Variants in ENO4 observed in about 807,000 individuals in gnomAD.
ENO4 encodes the protein enolase 4.
Under a neutral mutation model 63.2 loss-of-function variants are expected in ENO4, and 53 were observed. That is an observed-to-expected ratio of 0.84 (90% CI 0.67 to 1.05). The LOEUF is 1.05. Ranked by LOEUF, ENO4 falls within the 50% of genes least tolerant of loss-of-function variation. The pLI is 0.00. For synonymous variants in ENO4, 266 were observed against 283.8 expected (o/e 0.94, Z 0.63); for missense variants, 719 against 772.0 (o/e 0.93, Z 0.81).
chr10:116,868,765 CCTT>C, intron 8 of ENO4, 59 bp downstream of exon 8: 1 of 1,429,220 alleles, frequency 7.0e-7, no homozygotes, highest in Non-Finnish European at 9.6e-7. Context: ...ATTTCCTGCC[CCTT>C]TTTATCTTCC....
chr10:116,911,754 C>G, exon 11 of ENO4: 1 of 1,584,712 alleles, frequency 6.3e-7, no homozygotes, highest in Non-Finnish European at 8.7e-7. Flanking sequence ...TTTCATTTCC[C>G]CATTAGCTAA....
At chr10:116,874,009 C>A in intron 9 of ENO4, 67 bp from the exon 10 acceptor site, 1 of 1,446,462 alleles carries the variant, frequency 6.9e-7, no homozygotes, top group Non-Finnish European at 9.3e-7. Context: ...GAATCTGAAC[C>A]GTATCTTTGG....
At chr10:116,884,357 C>T (rs750834890), downstream of ENO4, 14 of 421,254 alleles carry the variant, frequency 3.3e-5, 1 homozygote, top group Admixed American at 3.3e-4. Flanking sequence ...CATCAAATAC[C>T]TTCATGTCAA....
intron 10 of ENO4, among the ~76,000 whole-genome samples, chr10:116,910,110 A>G (rs953383610): frequency 3.0e-4 from 45 of 152,256 alleles, no homozygotes; most frequent in African/African-American, 1.1e-3. Context: ...TATCTTTCTT[A>G]TAAGAATGTG....
At chr10:116,904,437 CT>C (rs779336840) in intron 10 of ENO4, among the ~76,000 whole-genome samples, 217 of 144,672 alleles carry the variant, frequency 1.5e-3, no homozygotes, top group Middle Eastern at 3.6e-3. Flanking sequence ...TGTTTCCTTC[CT>C]TTTTTTTTTT....
chr10:116,871,849 C>T (rs1846703178), intron 9 of ENO4, among the ~76,000 whole-genome samples: 1 of 152,182 alleles, frequency 6.6e-6, no homozygotes, highest in Non-Finnish European at 1.5e-5. Flanking sequence ...CACCTGGGGA[C>T]CACCCACCTG....
intron 1 of ENO4, among the ~76,000 whole-genome samples, chr10:116,854,555 G>A (rs1846196139): frequency 8.6e-6 from 1 of 116,582 alleles, no homozygotes; most frequent in Non-Finnish European, 1.6e-5. Context: ...GTGAGACTCT[G>A]TCTTAAAAAA....
chr10:116,898,518 A>G (rs1221634529), intron 10 of ENO4, among the ~76,000 whole-genome samples: 1 of 152,166 alleles, frequency 6.6e-6, no homozygotes, highest in African/African-American at 2.4e-5. Flanking sequence ...CTCTTATAGC[A>G]TAAAGGGACA....
intron 13 of ENO4, among the ~76,000 whole-genome samples, chr10:116,880,503 G>GA (rs539844805): frequency 9.2e-4 from 140 of 152,308 alleles, no homozygotes; most frequent in Admixed American, 2.1e-3. Context: ...TAACTAGAGA[G>GA]AAACACACCA....
chr10:116,880,079 C>A, intron 13 of ENO4, 93 bp downstream of exon 13: 2 of 927,828 alleles, frequency 2.2e-6, no homozygotes, highest in Non-Finnish European at 3.3e-6. Flanking sequence ...TGCAGGAGGG[C>A]AGGGGAATCC....
downstream of ENO4, chr10:116,884,288 C>G (rs914651027): frequency 4.4e-5 from 20 of 457,698 alleles, no homozygotes; most frequent in Non-Finnish European, 7.9e-5. Flanking sequence ...GCAAAACCCC[C>G]TCAAAACCAA....
Position 116,871,318 on chromosome 10 carries a change from C to A in ENO4, c.1215+26C>A, listed in dbSNP as rs12251703. ...GTAAGTTTCCACTTCAGAACATTCA[C>A]TTCCTATTGAGATCCATGATTTTTA... is the stretch of plus-strand genomic sequence containing the variant. On this transcript the variant is annotated intron_variant, in intron 9 of 13. Coordinates refer to ENST00000341276, the MANE Select transcript of ENO4 (RefSeq NM_001242699.2). The A allele has an allele frequency of 3.9e-3, 5,883 of 1,527,008 alleles. 179 individuals carry two copies. The African/African-American group carries it at 0.071, about 18-fold the overall frequency. 94.6% of individuals were successfully genotyped at this position (1,527,008 alleles called of 1,614,324 possible). A position where few individuals can be genotyped will look rare whatever the true frequency, so the allele number is the denominator to read the frequency against.
At chr10:116,905,093 G>C (rs998158776) in intron 10 of ENO4, among the ~76,000 whole-genome samples, 3 of 151,442 alleles carry the variant, frequency 2.0e-5, no homozygotes, top group Non-Finnish European at 4.4e-5. Context: ...CCCAGCTACT[G>C]GGGAGGCTGA....
chr10:116,887,927 T>G (rs1847215992), intron 10 of ENO4, among the ~76,000 whole-genome samples: 1 of 152,208 alleles, frequency 6.6e-6, no homozygotes, highest in Non-Finnish European at 1.5e-5. Flanking sequence ...TGAGCAAAAG[T>G]AACCTGCATG....
In ENO4 at chr10:116,849,543, C is replaced by G. The variant is rs961937730; in HGVS notation, c.-24C>G. The G allele has an allele frequency of 4.6e-6, 7 of 1,508,324 alleles. No individual in the cohort carries two copies. The South Asian group carries it at 9.2e-5, about 20-fold the overall frequency. The allele number at this position is 1,508,324 out of a possible 1,614,324, so 93.4% of individuals were successfully genotyped here. On this transcript the variant is annotated 5_prime_UTR_variant, in exon 1 of 14. Transcript: ENST00000341276. The stretch of plus-strand genomic sequence containing the variant: ...GCTCGTGGGACCCCAGGCTAAACCC[C>G]GCTGTAGCCTTAAATCTCCTACCAT...
intron 10 of ENO4, among the ~76,000 whole-genome samples, chr10:116,875,185 A>T (rs73396189): frequency 6.6e-6 from 1 of 152,196 alleles, no homozygotes; most frequent in East Asian, 1.9e-4. Flanking sequence ...AACTATTTCA[A>T]TTTGGAGGAC....
chr10:116,876,361 C>A, intron 11 of ENO4, 101 bp downstream of exon 11: 1 of 1,000,258 alleles, frequency 1.0e-6, no homozygotes, highest in Non-Finnish European at 1.4e-6. Flanking sequence ...TGGGAGAAAT[C>A]TTGGAAGAAA....
chr10:116,900,959 T>C, intron 10 of ENO4: 1 of 985,328 alleles, frequency 1.0e-6, no homozygotes, highest in East Asian at 1.1e-4. Flanking sequence ...TTTGTCCAGG[T>C]TTCACCTTTT....
chr10:116,879,370 A>G lies in ENO4; in HGVS notation c.1605+12A>G, dbSNP rs1220760528. The G allele has an allele frequency of 1.3e-6, 2 of 1,542,306 alleles. No individual in the cohort carries two copies. Among genetic ancestry groups the G allele is most frequent in the Admixed American group, 4.0e-5 (2 of 50,134 alleles). ...GCCTTGTCGATTTGGTAAGTGCTGA[A>G]TGCTGGTCAACTGCCAAACACTGCT... On this transcript the variant is annotated intron_variant, in intron 12 of 13. Transcript: ENST00000341276.
Sources: gnomAD v4.1 joint callset for allele counts (sites outside exome capture counted in the v4.1 genomes callset) on GRCh38, gnomAD v4.1.1 for gene constraint, MANE v1.5 for transcripts, NCBI Gene and HGNC (gene_info 2026-07-23, HGNC 2026-07-21) for gene names.